SMARCA5: variants seen among roughly 807,000 people sequenced by gnomAD.
The protein encoded by SMARCA5 is SWI/SNF-related matrix-associated actin-dependent regulator of chromatin subfamily A member 5.
Under a neutral mutation model 140.4 loss-of-function variants are expected in SMARCA5, and 18 were observed. The ratio of observed to expected loss-of-function variants is 0.13; its 90% confidence interval spans 0.09 to 0.19. The LOEUF (loss-of-function observed/expected upper bound fraction) is 0.19. Ranked by LOEUF, SMARCA5 falls within the 10% of genes least tolerant of loss-of-function variation. SMARCA5 has a pLI of 1.00. For synonymous variants in SMARCA5, 449 were observed against 419.6 expected (o/e 1.07, Z -0.86); for missense variants, 606 against 1,276.8 (o/e 0.47, Z 8.01).
At chr4:143,532,202 A>G (rs1211267501) in intron 9 of SMARCA5, among the ~76,000 whole-genome samples, 4 of 152,208 alleles carry the variant, frequency 2.6e-5, no homozygotes, top group South Asian at 2.1e-4. Flanking sequence ...GTAATTTCCT[A>G]GCTACCTTTG....
At chr4:143,528,850 G>A (rs1737125438) in intron 8 of SMARCA5, 136 bp downstream of exon 8, 6 of 673,822 alleles carry the variant, frequency 8.9e-6, no homozygotes, top group Non-Finnish European at 1.4e-5. Flanking sequence ...TACATAGTTA[G>A]CCTGGTGTTA....
rs537938484 is a variant in SMARCA5, at chr4:143,526,778, C to G, written c.801+318C>G. 3.8e-3 allele frequency among the ~76,000 whole-genome samples: 582 copies of G among 151,716 alleles called. 6 individuals are homozygous for G. Among genetic ancestry groups the G allele is most frequent in the Non-Finnish European group, 7.0e-3 (478 of 67,942 alleles). On this transcript the variant is annotated intron_variant, in intron 6 of 23. Coordinates refer to ENST00000283131, the MANE Select transcript of SMARCA5 (RefSeq NM_003601.4). The stretch of plus-strand genomic sequence containing the variant: ...ACTTGGTAGGCTGAGGCAGGAGAAT[C>G]GCTGGAATCTGGGAGGTGGAGGTTG...
Position 143,545,600 on chromosome 4 carries a change from G to C in SMARCA5, c.2397+17G>C. ...GGGTACAAGGTAATTGAAATTATCT[G>C]CCTTTCTGTTCATTCCTATCCAGAA... On this transcript the variant is annotated intron_variant, in intron 18 of 23. Coordinates refer to ENST00000283131, the MANE Select transcript of SMARCA5 (RefSeq NM_003601.4). The C allele has an allele frequency of 2.2e-6, 3 of 1,381,688 alleles. No individual in the cohort carries two copies. Among genetic ancestry groups the C allele is most frequent in the Non-Finnish European group, 2.1e-6 (2 of 973,414 alleles). The allele number at this position is 1,381,688 out of a possible 1,614,324, so 85.6% of individuals were successfully genotyped here.
intron 1 of SMARCA5, among the ~76,000 whole-genome samples, chr4:143,514,949 G>T (rs952578693): frequency 2.6e-5 from 4 of 152,186 alleles, no homozygotes; most frequent in African/African-American, 9.7e-5. Context: ...TACTGAGGGG[G>T]CTGGAAAGAT....
At chr4:143,522,919 T>G (rs1736993376) in intron 3 of SMARCA5, among the ~76,000 whole-genome samples, 1 of 152,212 alleles carries the variant, frequency 6.6e-6, no homozygotes, top group South Asian at 2.1e-4. Flanking sequence ...AAAGTCCTAG[T>G]TAACAGATTT....
intron 4 of SMARCA5, 95 bp from the exon 5 acceptor site, chr4:143,525,355 GA>G: frequency 1.3e-6 from 1 of 777,480 alleles, no homozygotes; most frequent in Non-Finnish European, 2.2e-6. Flanking sequence ...CGTTAGTAAT[GA>G]AAATAAAGTC....
At chr4:143,528,782 A>G in intron 8 of SMARCA5, 68 bp downstream of exon 8, 1 of 1,446,982 alleles carries the variant, frequency 6.9e-7, no homozygotes, top group Non-Finnish European at 9.4e-7. Flanking sequence ...TTTTGTAATA[A>G]AAGTGGCCTG....
intron 4 of SMARCA5, 59 bp downstream of exon 4, chr4:143,524,526 A>AT (rs2149817826): frequency 1.8e-6 from 2 of 1,090,294 alleles, no homozygotes; most frequent in Non-Finnish European, 2.8e-6. Flanking sequence ...CCTTTGGTTA[A>AT]TGTTTTGGAT....
rs1737758085 is a variant in SMARCA5, at chr4:143,556,421, C to CA, written c.*3240dup. The CA allele has an allele frequency of 6.6e-6, 1 of 151,988 alleles. No homozygotes were observed. The highest frequency in any genetic ancestry group is 1.5e-5 in the Non-Finnish European group (1 of 67,984). 9.4% of individuals were successfully genotyped at this position (151,988 alleles called of 1,614,324 possible). ...GTTCTATCCCTTTGAATCTAAAAAA[C>CA]AAATCTTTTTGAAAGGATGTGCTAC... On this transcript the variant is annotated 3_prime_UTR_variant, in exon 24 of 24. Transcript: ENST00000283131.
intron 2 of SMARCA5, 88 bp downstream of exon 2, chr4:143,517,517 G>A (rs1252550688): frequency 1.4e-6 from 1 of 734,416 alleles, no homozygotes; most frequent in Non-Finnish European, 2.2e-6. Flanking sequence ...AGTCCATTTT[G>A]TGTTACAACA....
intron 9 of SMARCA5, among the ~76,000 whole-genome samples, chr4:143,531,622 T>C (rs1206591098): frequency 6.6e-6 from 1 of 152,124 alleles, no homozygotes; most frequent in African/African-American, 2.4e-5. Flanking sequence ...CAACCAAAAA[T>C]TTCTCTAGAC....
chr4:143,545,244 A>G (rs1331982908), intron 17 of SMARCA5, among the ~76,000 whole-genome samples: 3 of 152,000 alleles, frequency 2.0e-5, no homozygotes, highest in Non-Finnish European at 2.9e-5. Context: ...TCTTTCCTAC[A>G]TTTTGCATTT....
chr4:143,545,361 T>C (rs931202913), intron 17 of SMARCA5, 109 bp from the exon 18 acceptor site: 13 of 700,542 alleles, frequency 1.9e-5, no homozygotes, highest in Non-Finnish European at 3.1e-5. Context: ...GAAAGATGCA[T>C]TCAGTTGCTT....
At chr4:143,543,699 T>C in intron 15 of SMARCA5, 42 bp downstream of exon 15, 1 of 1,558,334 alleles carries the variant, frequency 6.4e-7, no homozygotes, top group African/African-American at 1.4e-5. Context: ...TAGAATGTTT[T>C]AGACCAGAAA....
chr4:143,526,976 C>T (rs760862517), intron 6 of SMARCA5, among the ~76,000 whole-genome samples: 2 of 151,974 alleles, frequency 1.3e-5, no homozygotes, highest in Non-Finnish European at 2.9e-5. Context: ...GTTGTGCTCT[C>T]ATTAGAAGTT....
At chr4:143,539,562 G>GT (rs1197512704) in intron 13 of SMARCA5, among the ~76,000 whole-genome samples, 12 of 143,894 alleles carry the variant, frequency 8.3e-5, no homozygotes, top group African/African-American at 3.1e-4. Context: ...TTGAGATGGA[G>GT]TTTCGCTCTT....
At chr4:143,534,524 T>C (rs897578376) in intron 9 of SMARCA5, among the ~76,000 whole-genome samples, 6 of 152,234 alleles carry the variant, frequency 3.9e-5, no homozygotes, top group East Asian at 1.9e-4. Flanking sequence ...ACTATTAACA[T>C]AGCATTTACA....
intron 9 of SMARCA5, among the ~76,000 whole-genome samples, chr4:143,532,421 C>T (rs1737208189): frequency 1.3e-5 from 2 of 152,090 alleles, no homozygotes; most frequent in Non-Finnish European, 2.9e-5. Context: ...ATGAACAACC[C>T]ATTCAGCAGT....
At chr4:143,546,127 A>G (rs1737519394) in intron 19 of SMARCA5, 80 bp downstream of exon 19, 1 of 1,080,486 alleles carries the variant, frequency 9.3e-7, no homozygotes, top group Admixed American at 3.0e-5. Context: ...GCATAAAAAT[A>G]AATACAAGTT....
Sources: allele counts gnomAD v4.1 joint callset (sites outside exome capture counted in the v4.1 genomes callset), GRCh38; gene constraint gnomAD v4.1.1; transcripts MANE v1.5; gene names NCBI Gene and HGNC (gene_info 2026-07-23, HGNC 2026-07-21).